The following UNC5C variants were observed in gnomAD, a reference collection of about 807,000 sequenced individuals.
UNC5C encodes the protein unc-5 netrin receptor C.
In UNC5C, 47 loss-of-function variants were observed where a neutral mutation model predicts 99.8. The ratio of observed to expected loss-of-function variants is 0.47; its 90% CI spans 0.37 to 0.60. The LOEUF (loss-of-function observed/expected upper bound fraction) is 0.60. Among genes scored for constraint, UNC5C ranks in the 20% least tolerant of loss-of-function variants. The pLI, the probability that UNC5C is intolerant of heterozygous loss-of-function variation, is 0.00. For synonymous variants in UNC5C, 487 were observed against 452.2 expected, an observed-to-expected ratio of 1.08 and a Z score of -0.98; for missense variants, 1,062 against 1,165.9, an observed-to-expected ratio of 0.91 and a Z score of 1.30.
intron 1 of UNC5C, among the ~76,000 whole-genome samples, chr4:95,415,428 G>A (rs887019955): frequency 1.3e-5 from 2 of 151,952 alleles, no homozygotes; most frequent in Non-Finnish European, 2.9e-5. Flanking sequence ...TCAGAGGAGG[G>A]ATCAGATGAT....
intron 1 of UNC5C, among the ~76,000 whole-genome samples, chr4:95,467,593 T>C (rs761020897): frequency 6.6e-6 from 1 of 151,800 alleles, no homozygotes; most frequent in Non-Finnish European, 1.5e-5. Context: ...ATTTGAAAGG[T>C]AAATGATGCC....
Position 95,245,012 on chromosome 4 carries a change from C to T in UNC5C, c.908G>A (p.Ser303Asn). 6.2e-7 allele frequency: 1 copy of T among 1,614,020 alleles called. No homozygotes were observed. Among genetic ancestry groups the T allele is most frequent in the Non-Finnish European group, 8.5e-7 (1 of 1,179,980 alleles). ...CGTAGTACAGGCTATTTTCTGCACA[C>T]TCTGCCCTTCACAGAAGGCACCCCC... The part of the protein sequence containing the change: ...LNGGAFCEGQ[S>N]VQKIACTTLC... The change falls in exon 6 of 16, where the codon AGT (serine) becomes AAT (asparagine). Residue 303 changes from serine (S) to asparagine (N), a missense_variant. Coordinates refer to ENST00000453304, the MANE Select transcript of UNC5C (RefSeq NM_003728.4).
rs934957759 is a variant in UNC5C at position 95,191,426 on chromosome 4, G to T, written c.2137-6230C>A. ...GTCCAGGCTGAAGCTGGGTTACAGAGCCCTGCACAGTGGTGATTTTGTGCC... is the reference window on the plus strand; with the variant it reads ...GTCCAGGCTGAAGCTGGGTTACAGATCCCTGCACAGTGGTGATTTTGTGCC... On this transcript the variant is annotated intron_variant, in intron 12 of 15. Coordinates refer to ENST00000453304, the MANE Select transcript of UNC5C (RefSeq NM_003728.4). Among the ~76,000 whole-genome samples the T allele has an allele frequency of 3.3e-5, 5 of 152,192 alleles. No individual in the cohort carries two copies. In the South Asian group the frequency reaches 1.0e-3, roughly 32 times the overall value.
In UNC5C at chr4:95,165,706, G is replaced by A. The variant is rs562620829; in HGVS notation, c.*3528C>T. The A allele has an allele frequency of 2.0e-5, 3 of 152,164 alleles. No homozygotes were observed. Among genetic ancestry groups the A allele is most frequent in the African/African-American group, 7.2e-5 (3 of 41,514 alleles). 9.4% of individuals were successfully genotyped at this position (152,164 alleles called of 1,614,324 possible). A position where few individuals can be genotyped will look rare whatever the true frequency, so the allele number is the denominator to read the frequency against. ...CTTCCCTAGACATAGTATTCCATTCGCATATATAAGACTTATTTCTTTCTA... is the reference window on the plus strand; with the variant it reads ...CTTCCCTAGACATAGTATTCCATTCACATATATAAGACTTATTTCTTTCTA... On this transcript the variant is annotated 3_prime_UTR_variant, in exon 16 of 16. Transcript: ENST00000453304.
chr4:95,402,615 T>C (rs976894086), intron 1 of UNC5C, among the ~76,000 whole-genome samples: 1 of 152,248 alleles, frequency 6.6e-6, no homozygotes, highest in African/African-American at 2.4e-5. Context: ...AGGACACATA[T>C]AATATAAAGA....
At chr4:95,429,640 A>G (rs1468708486) in intron 1 of UNC5C, among the ~76,000 whole-genome samples, 1 of 152,136 alleles carries the variant, frequency 6.6e-6, no homozygotes, top group Non-Finnish European at 1.5e-5. Context: ...GATCGGGGCC[A>G]AAGAAGCCTC....
intron 1 of UNC5C, among the ~76,000 whole-genome samples, chr4:95,464,704 T>C (rs1747719309): frequency 6.6e-6 from 1 of 152,204 alleles, no homozygotes; most frequent in Non-Finnish European, 1.5e-5. Flanking sequence ...ATTTGTATGA[T>C]TTTTGTAAAC....
chr4:95,334,369 A>G (rs1179472469), intron 2 of UNC5C, among the ~76,000 whole-genome samples: 1 of 152,008 alleles, frequency 6.6e-6, no homozygotes, highest in East Asian at 1.9e-4. Context: ...AGAGATATCT[A>G]GTAAGGGTAA....
chr4:95,270,025 C>G (rs1170119235), intron 4 of UNC5C, among the ~76,000 whole-genome samples: 3 of 152,090 alleles, frequency 2.0e-5, no homozygotes, highest in Non-Finnish European at 4.4e-5. Context: ...AAAGCCTTGA[C>G]AATTCTAAAA....
rs11332755 is a variant in UNC5C at position 95,365,295 on chromosome 4, CAAA to C, written c.125-29667_125-29665del. Among the ~76,000 whole-genome samples the C allele has an allele frequency of 2.6e-3, 286 of 108,008 alleles. 1 individual carries two copies. The highest frequency in any genetic ancestry group is 8.7e-3 in the African/African-American group (269 of 30,972). The allele number at this position is 108,008 out of a possible 152,430, so 70.9% of individuals were successfully genotyped here. A position where few individuals can be genotyped will look rare whatever the true frequency, so the allele number is the denominator to read the frequency against. ...TGGGCAACAGAACAAGAATCTGTCT[CAAA>C]AAAAAAAAAAAAAGAAAAGAAATAA... On this transcript the variant is annotated intron_variant, in intron 1 of 15. Transcript: ENST00000453304.
rs1213178142 is a variant in UNC5C at position 95,328,063 on chromosome 4, T to A, written c.346+7347A>T. ...TTCTTTTTTTTTTTTTTTTTTTTAA[T>A]TTTTTTTTTTTTTTATTATACTTTA... On this transcript the variant is annotated intron_variant, in intron 2 of 15. Transcript: ENST00000453304. Among the ~76,000 whole-genome samples the A allele has an allele frequency of 7.0e-4, 24 of 34,390 alleles. No homozygotes were observed. The East Asian group carries it at 0.018, about 26-fold the overall frequency. 22.6% of individuals were successfully genotyped at this position (34,390 alleles called of 152,430 possible). A position where few individuals can be genotyped will look rare whatever the true frequency, so the allele number is the denominator to read the frequency against.
At chr4:95,256,758 C>G (rs967621914) in intron 4 of UNC5C, among the ~76,000 whole-genome samples, 4 of 131,274 alleles carry the variant, frequency 3.0e-5, no homozygotes, top group African/African-American at 1.0e-4. Context: ...ATTACAAAGT[C>G]CCACGATAGG....
chr4:95,187,366 C>A (rs1399630190), intron 12 of UNC5C, among the ~76,000 whole-genome samples: 1 of 152,114 alleles, frequency 6.6e-6, no homozygotes, highest in Non-Finnish European at 1.5e-5. Flanking sequence ...TTCATTATGT[C>A]GAAATTATCT....
intron 1 of UNC5C, among the ~76,000 whole-genome samples, chr4:95,506,043 T>A (rs1237791775): frequency 6.6e-6 from 1 of 151,904 alleles, no homozygotes; most frequent in African/African-American, 2.4e-5. Flanking sequence ...AAGAAAAGGA[T>A]GAGAAAACAT....
chr4:95,412,818 G>T (rs74707188), intron 1 of UNC5C, among the ~76,000 whole-genome samples: 281 of 152,234 alleles, frequency 1.8e-3, no homozygotes, highest in African/African-American at 6.5e-3. Flanking sequence ...GAGAGCATAC[G>T]TTGCAAGAAA....
chr4:95,426,746 T>G (rs1393414921), intron 1 of UNC5C, among the ~76,000 whole-genome samples: 2 of 152,208 alleles, frequency 1.3e-5, no homozygotes, highest in African/African-American at 2.4e-5. Context: ...AGCAAAAGCC[T>G]AATCTAAAAT....
At chr4:95,382,363 C>T (rs1322785253) in intron 1 of UNC5C, among the ~76,000 whole-genome samples, 1 of 151,584 alleles carries the variant, frequency 6.6e-6, no homozygotes, top group Non-Finnish European at 1.5e-5. Flanking sequence ...CTCCCTGCTG[C>T]TCGGGAAGCT....
intron 1 of UNC5C, among the ~76,000 whole-genome samples, chr4:95,491,773 GTTTA>G (rs936696746): frequency 1.1e-4 from 17 of 151,518 alleles, no homozygotes; most frequent in Non-Finnish European, 1.6e-4. Flanking sequence ...TCTGCATTGT[GTTTA>G]TTTATTTTTT....
intron 1 of UNC5C, among the ~76,000 whole-genome samples, chr4:95,464,271 G>A (rs540521099): frequency 7.9e-5 from 12 of 152,316 alleles, no homozygotes; most frequent in African/African-American, 2.4e-4. Context: ...AAGTTGGCAT[G>A]CTGGGAGGAG....
Sources: allele counts gnomAD v4.1 joint callset (sites outside exome capture counted in the v4.1 genomes callset), GRCh38; gene constraint gnomAD v4.1.1; transcripts MANE v1.5; gene names NCBI Gene and HGNC (gene_info 2026-07-23, HGNC 2026-07-21).